Variants in NALF1 observed in about 807,000 individuals in gnomAD.
The protein encoded by NALF1 is NALCN channel auxiliary factor 1.
A neutral mutation model predicts 48.4 loss-of-function variants in NALF1; 3 were observed. The ratio of observed to expected loss-of-function variants is 0.06; its 90% confidence interval spans 0.03 to 0.16. The LOEUF (loss-of-function observed/expected upper bound fraction) is 0.16, where lower values mean the gene tolerates loss of function less well. NALF1 is among the 10% of genes least tolerant of loss of function. NALF1 has a pLI of 1.00. For synonymous variants in NALF1, 262 were observed against 245.7 expected (o/e 1.07, Z -0.62); for missense variants, 526 against 571.5 (o/e 0.92, Z 0.81).
At chr13:107,807,644 C>T (rs897165167) in intron 1 of NALF1, among the ~76,000 whole-genome samples, 3 of 152,122 alleles carry the variant, frequency 2.0e-5, no homozygotes, top group African/African-American at 7.2e-5. Flanking sequence ...ATAATTTATG[C>T]CAGAAGCAAA....
intron 2 of NALF1, among the ~76,000 whole-genome samples, chr13:107,186,654 C>T (rs1320795460): frequency 1.3e-5 from 2 of 152,206 alleles, no homozygotes; most frequent in Non-Finnish European, 2.9e-5. Context: ...GTGTGAGCCA[C>T]CATGCCCGGC....
At chr13:107,632,937 G>A (rs973914705) in intron 1 of NALF1, among the ~76,000 whole-genome samples, 7 of 151,466 alleles carry the variant, frequency 4.6e-5, no homozygotes, top group South Asian at 2.1e-4. Context: ...ATGGCAAGGT[G>A]TGTGGATTTC....
chr13:107,706,129 T>C (rs1436154213), intron 1 of NALF1, among the ~76,000 whole-genome samples: 1 of 152,172 alleles, frequency 6.6e-6, no homozygotes, highest in African/African-American at 2.4e-5. Context: ...TTCTATAGCC[T>C]GCTAAAGTGC....
At chr13:107,275,097 T>G in intron 1 of NALF1, among the ~76,000 whole-genome samples, 1 of 152,188 alleles carries the variant, frequency 6.6e-6, no homozygotes, top group Non-Finnish European at 1.5e-5. Flanking sequence ...GTATAAGACA[T>G]GCATACGGTT....
intron 2 of NALF1, among the ~76,000 whole-genome samples, chr13:107,175,603 CT>C (rs760812553): frequency 5.9e-5 from 9 of 152,160 alleles, no homozygotes; most frequent in Non-Finnish European, 8.8e-5. Context: ...TCTTCTCTGA[CT>C]TGAATTCTGA....
intron 1 of NALF1, among the ~76,000 whole-genome samples, chr13:107,756,339 G>C (rs1877091785): frequency 6.6e-6 from 1 of 151,830 alleles, no homozygotes; most frequent in Admixed American, 6.6e-5. Flanking sequence ...TGATGCCAAT[G>C]TGGCTGATGC....
chr13:107,323,377 G>C (rs1171572188), intron 1 of NALF1, among the ~76,000 whole-genome samples: 8 of 152,082 alleles, frequency 5.3e-5, no homozygotes, highest in Non-Finnish European at 4.4e-5. Flanking sequence ...TAAAATTATT[G>C]AGAAAATTCA....
intron 1 of NALF1, among the ~76,000 whole-genome samples, chr13:107,439,766 G>C (rs578146921): frequency 4.7e-4 from 72 of 152,206 alleles, no homozygotes; most frequent in African/African-American, 1.6e-3. Flanking sequence ...GCACTTCTTT[G>C]TCTTCTGACA....
intron 1 of NALF1, among the ~76,000 whole-genome samples, chr13:107,263,698 C>A (rs766913845): frequency 3.3e-5 from 5 of 152,134 alleles, no homozygotes; most frequent in Non-Finnish European, 5.9e-5. Context: ...GTGATGCCTC[C>A]CCAGCCATGT....
chr13:107,227,023 A>G (rs1423306737), intron 1 of NALF1, among the ~76,000 whole-genome samples: 1 of 152,240 alleles, frequency 6.6e-6, no homozygotes, highest in Non-Finnish European at 1.5e-5. Flanking sequence ...TTCTTGCACT[A>G]TCTTATTTCA....
At chr13:107,488,219 A>T (rs1216350791) in intron 1 of NALF1, among the ~76,000 whole-genome samples, 1 of 150,230 alleles carries the variant, frequency 6.7e-6, no homozygotes, top group East Asian at 2.0e-4. Flanking sequence ...AAAAAAAAAA[A>T]CACCTCCTGA....
intron 1 of NALF1, among the ~76,000 whole-genome samples, chr13:107,602,190 CAAG>C (rs1408485397): frequency 1.3e-5 from 2 of 152,066 alleles, no homozygotes; most frequent in Non-Finnish European, 2.9e-5. Context: ...CAGGTTTGGC[CAAG>C]AAGATCTACA....
chr13:107,264,782 G>A (rs1437462490), intron 1 of NALF1, among the ~76,000 whole-genome samples: 1 of 152,084 alleles, frequency 6.6e-6, no homozygotes, highest in African/African-American at 2.4e-5. Flanking sequence ...TTATTCTATT[G>A]TTTAATTTGC....
intron 1 of NALF1, among the ~76,000 whole-genome samples, chr13:107,781,740 A>AT (rs1290498760): frequency 2.0e-5 from 3 of 151,710 alleles, no homozygotes; most frequent in Non-Finnish European, 4.4e-5. Flanking sequence ...TGTCACTGCT[A>AT]TACGCCTCTA....
chr13:107,653,417 T>C (rs1196559094), intron 1 of NALF1, among the ~76,000 whole-genome samples: 1 of 152,092 alleles, frequency 6.6e-6, no homozygotes, highest in African/African-American at 2.4e-5. Context: ...GAATCATTTA[T>C]TTTAGTCCCT....
At chr13:107,561,250 C>A (rs1056858173) in intron 1 of NALF1, among the ~76,000 whole-genome samples, 3 of 152,150 alleles carry the variant, frequency 2.0e-5, no homozygotes, top group Non-Finnish European at 4.4e-5. Context: ...GATGGAGAAT[C>A]GAGTCCAGGC....
chr13:107,397,779 G>A (rs1392133472), intron 1 of NALF1, among the ~76,000 whole-genome samples: 2 of 151,872 alleles, frequency 1.3e-5, no homozygotes, highest in East Asian at 1.9e-4. Context: ...TTAACTAGTG[G>A]TCATTAAAAG....
intron 1 of NALF1, among the ~76,000 whole-genome samples, chr13:107,483,859 T>C (rs925583623): frequency 1.3e-5 from 2 of 151,946 alleles, no homozygotes; most frequent in Non-Finnish European, 2.9e-5. Flanking sequence ...AAATGCTACA[T>C]AAATATAATA....
intron 1 of NALF1, among the ~76,000 whole-genome samples, chr13:107,784,292 C>T (rs1343560341): frequency 6.6e-6 from 1 of 152,198 alleles, no homozygotes; most frequent in East Asian, 1.9e-4. Flanking sequence ...ATGGAAACCG[C>T]ATGCTGCAGG....
Sources: allele counts gnomAD v4.1 joint callset (sites outside exome capture counted in the v4.1 genomes callset), GRCh38; gene constraint gnomAD v4.1.1; transcripts MANE v1.5; gene names NCBI Gene and HGNC (gene_info 2026-07-23, HGNC 2026-07-21).